STK32A: variants seen among roughly 807,000 people sequenced by gnomAD.
The protein encoded by STK32A is serine/threonine kinase 32A.
STK32A carries 41 observed loss-of-function variants against 53.2 expected under a neutral mutation model. The ratio of observed to expected loss-of-function variants is 0.77; its 90% confidence interval spans 0.60 to 1.00. The LOEUF is 1.00. Among genes scored for constraint, STK32A ranks in the 50% least tolerant of loss-of-function variants. The probability of loss-of-function intolerance (pLI) is 0.00; values close to 1 mark genes in which losing one functional copy is unlikely to be tolerated. For missense variants in STK32A, 458 were observed against 485.8 expected (o/e 0.94, Z 0.54); for synonymous variants, 166 against 162.8 (o/e 1.02, Z -0.15).
chr5:147,369,450 T>A (rs1291829738), intron 8 of STK32A, among the ~76,000 whole-genome samples: 1 of 152,212 alleles, frequency 6.6e-6, no homozygotes, highest in Non-Finnish European at 1.5e-5. Flanking sequence ...TTGTGTCTAA[T>A]ACTATTAGCC....
At chr5:147,308,059 A>G (rs1204591419) in intron 4 of STK32A, among the ~76,000 whole-genome samples, 1 of 152,010 alleles carries the variant, frequency 6.6e-6, no homozygotes, top group Non-Finnish European at 1.5e-5. Flanking sequence ...TGGTATGTAT[A>G]TTGGGTACAT....
At position 147,373,175 on chromosome 5, in the gene STK32A, G is replaced by C. The variant is rs757351674; in HGVS notation, c.784G>C (p.Glu262Gln). 1 of 1,612,836 alleles carries C rather than the reference G, an allele frequency of 6.2e-7. No individual in the cohort carries two copies. ...EMVSLLKKLLEPNPDQRFSQL... is the reference protein window; with the variant it reads ...EMVSLLKKLLQPNPDQRFSQL... Reference sequence around the variant, plus strand: ...GTTTGCATTTTATTGGCAGCTACTCGAACCTAATCCAGACCAACGATTTTC... The same window carrying C: ...GTTTGCATTTTATTGGCAGCTACTCCAACCTAATCCAGACCAACGATTTTC... Residue 262 changes from glutamate to glutamine, a missense_variant, in exon 10 of 13, where the codon GAA (glutamate) becomes CAA (glutamine). By Grantham distance (29) the Glu-to-Gln change is conservative. Coordinates refer to ENST00000397936, the MANE Select transcript of STK32A (RefSeq NM_001112724.2).
intron 2 of STK32A, among the ~76,000 whole-genome samples, chr5:147,275,592 G>T (rs544967628): frequency 5.3e-5 from 8 of 152,208 alleles, no homozygotes; most frequent in Non-Finnish European, 1.0e-4. Flanking sequence ...CCAAAGTGCT[G>T]GGATTACAGG....
intron 5 of STK32A, chr5:147,342,687 G>T: frequency 3.2e-6 from 1 of 314,192 alleles, no homozygotes; most frequent in Non-Finnish European, 5.9e-6. Context: ...TGATCCAATG[G>T]ACCAATATCT....
chr5:147,290,873 A>G (rs1411922036), intron 4 of STK32A, among the ~76,000 whole-genome samples: 4 of 152,314 alleles, frequency 2.6e-5, no homozygotes, highest in South Asian at 2.1e-4. Context: ...GTACACTCCA[A>G]TTAGCAGCAG....
At chr5:147,363,922 A>G (rs763646949) in intron 8 of STK32A, among the ~76,000 whole-genome samples, 3 of 152,148 alleles carry the variant, frequency 2.0e-5, no homozygotes, top group Non-Finnish European at 4.4e-5. Flanking sequence ...TTGCTTAGAA[A>G]TCTCCTCGGC....
At chr5:147,344,331 G>T (rs1370254089) in intron 6 of STK32A, among the ~76,000 whole-genome samples, 1 of 152,106 alleles carries the variant, frequency 6.6e-6, no homozygotes, top group Non-Finnish European at 1.5e-5. Flanking sequence ...CTTATTTATG[G>T]ACTGTCCAAA....
intron 2 of STK32A, among the ~76,000 whole-genome samples, chr5:147,265,109 A>G (rs397882605): frequency 2.8e-5 from 2 of 71,696 alleles, no homozygotes; most frequent in Non-Finnish European, 2.9e-5. Flanking sequence ...ATATATATAT[A>G]TCTTACAATT....
At position 147,347,323 on chromosome 5, in the gene STK32A, C is replaced by CA. The variant is rs72262381; in HGVS notation, c.473-3731dup. ...GATCCTCTATCCCAAGCAATAGAGG[C>CA]AAAAAAAAAAAGGCAGAAACCCTCT... On this transcript the variant is annotated intron_variant, in intron 6 of 12. Transcript: ENST00000397936. 9.4e-3 allele frequency among the ~76,000 whole-genome samples: 1,336 copies of CA among 142,258 alleles called. 13 individuals are homozygous for CA. The highest frequency in any genetic ancestry group is 0.019 in the African/African-American group (774 of 39,736). The allele number at this position is 142,258 out of a possible 152,430, so 93.3% of individuals were successfully genotyped here. A position where few individuals can be genotyped will look rare whatever the true frequency, so the allele number is the denominator to read the frequency against.
intron 8 of STK32A, among the ~76,000 whole-genome samples, chr5:147,362,834 C>A (rs1324140318): frequency 6.6e-6 from 1 of 152,152 alleles, no homozygotes; most frequent in Non-Finnish European, 1.5e-5. Context: ...GTAATCCCAA[C>A]ACTTTAAGAG....
At chr5:147,239,253 T>TCAACA (rs1753460328) in intron 1 of STK32A, among the ~76,000 whole-genome samples, 1 of 152,260 alleles carries the variant, frequency 6.6e-6, no homozygotes, top group African/African-American at 2.4e-5. Flanking sequence ...ATTTTCATTT[T>TCAACA]ATAGTTGTTG....
At chr5:147,284,645 C>G (rs1752232838) in intron 4 of STK32A, among the ~76,000 whole-genome samples, 1 of 148,194 alleles carries the variant, frequency 6.7e-6, no homozygotes, top group African/African-American at 2.5e-5. Context: ...ATCAAGAACT[C>G]AATCCCTTTT....
intron 4 of STK32A, among the ~76,000 whole-genome samples, chr5:147,322,835 A>C (rs937249588): frequency 6.6e-6 from 1 of 151,324 alleles, no homozygotes; most frequent in Non-Finnish European, 1.5e-5. Flanking sequence ...TCATCCCTAC[A>C]CTCCTTCCTG....
chr5:147,379,564 T>G (rs1757372616), intron 11 of STK32A, among the ~76,000 whole-genome samples: 1 of 152,088 alleles, frequency 6.6e-6, no homozygotes, highest in South Asian at 2.1e-4. Context: ...TTTCTTTTCC[T>G]TGGCTCTTTT....
chr5:147,305,135 T>G (rs1344855010), intron 4 of STK32A, among the ~76,000 whole-genome samples: 1 of 152,028 alleles, frequency 6.6e-6, no homozygotes, highest in African/African-American at 2.4e-5. Flanking sequence ...TGCAGAACTT[T>G]CTCCTTAGGT....
chr5:147,400,522 A>G, the STK32A span, among the ~76,000 whole-genome samples: 1 of 152,272 alleles, frequency 6.6e-6, no homozygotes, highest in African/African-American at 2.4e-5. Flanking sequence ...TCATCACACT[A>G]GAAGGAAATT....
intron 2 of STK32A, among the ~76,000 whole-genome samples, chr5:147,247,300 A>G (rs1753804214): frequency 6.6e-6 from 1 of 152,226 alleles, no homozygotes; most frequent in African/African-American, 2.4e-5. Flanking sequence ...ACTATGCATT[A>G]CTATGTGACC....
At chr5:147,250,225 T>C (rs1311769253) in intron 2 of STK32A, among the ~76,000 whole-genome samples, 1 of 151,990 alleles carries the variant, frequency 6.6e-6, no homozygotes, top group African/African-American at 2.4e-5. Flanking sequence ...TTTGGAGGCA[T>C]ACAGTGATTA....
the STK32A span, chr5:147,393,885 C>T: frequency 6.5e-6 from 5 of 767,834 alleles, no homozygotes; most frequent in East Asian, 8.0e-5. Context: ...GGCAAGCGAG[C>T]GTAACATTGG....
Sources: gnomAD v4.1 joint callset for allele counts (sites outside exome capture counted in the v4.1 genomes callset) on GRCh38, gnomAD v4.1.1 for gene constraint, MANE v1.5 for transcripts, NCBI Gene and HGNC (gene_info 2026-07-23, HGNC 2026-07-21) for gene names.